The following PTPN2 variants were observed in gnomAD, a reference collection of about 807,000 sequenced individuals.
PTPN2 encodes protein tyrosine phosphatase non-receptor type 2, also known as tyrosine-protein phosphatase non-receptor type 2.
A neutral mutation model predicts 57.3 loss-of-function variants in PTPN2; 19 were observed. That is an observed-to-expected ratio of 0.33 (90% CI 0.23 to 0.49). The LOEUF (loss-of-function observed/expected upper bound fraction) is 0.49. Ranked by LOEUF, PTPN2 falls within the 20% of genes least tolerant of loss-of-function variation. PTPN2 has a pLI of 0.99. For missense variants in PTPN2, 358 were observed against 501.1 expected (o/e 0.71, Z 2.73); for synonymous variants, 153 against 164.9 (o/e 0.93, Z 0.55).
intron 1 of PTPN2, among the ~76,000 whole-genome samples, chr18:12,866,832 A>T (rs140072892): frequency 1.3e-5 from 2 of 152,002 alleles, no homozygotes; most frequent in East Asian, 3.9e-4. Flanking sequence ...GTGAAACTCC[A>T]TCTCTACTAA....
At chr18:12,835,212 A>G (rs201860849) in intron 3 of PTPN2, among the ~76,000 whole-genome samples, 3 of 152,174 alleles carry the variant, frequency 2.0e-5, no homozygotes, top group Non-Finnish European at 4.4e-5. Context: ...CATAAAAAAA[A>G]CTTCCAATAT....
At chr18:12,872,394 ATGATCAG>A (rs1261769054) in intron 1 of PTPN2, 18 of 152,250 alleles carry the variant, frequency 1.2e-4, no homozygotes, top group African/African-American at 4.3e-4. Context: ...AAGGTTATAA[ATGATCAG>A]TGACACGAAC....
chr18:12,817,166 C>T lies in PTPN2; in HGVS notation c.695G>A (p.Cys232Tyr). The T allele has an allele frequency of 6.2e-7, 1 of 1,613,372 alleles. No individual in the cohort carries two copies. The highest frequency in any genetic ancestry group is 8.5e-7 in the Non-Finnish European group (1 of 1,179,752). ...GTAAGAAGCACTTACCAAAACAAGA[C>T]AAGTGTCTACCAGAGAGAAGGTGCC... ...RSGTFSLVDT[C>Y]LVLMEKGDDI... Residue 232 changes from cysteine (C) to tyrosine (Y), a missense_variant, in exon 6 of 9, where the codon TGT becomes TAT. By Grantham distance (194) the Cys-to-Tyr change is radical (BLOSUM62 -2). Transcript: ENST00000309660.
At chr18:12,875,081 T>C (rs1171574863) in intron 1 of PTPN2, among the ~76,000 whole-genome samples, 2 of 152,166 alleles carry the variant, frequency 1.3e-5, no homozygotes, top group Non-Finnish European at 2.9e-5. Context: ...GTGCAAGATG[T>C]GCTTTGTTAA....
chr18:12,837,416 C>T (rs1448435790), intron 2 of PTPN2, among the ~76,000 whole-genome samples: 1 of 151,972 alleles, frequency 6.6e-6, no homozygotes, highest in African/African-American at 2.4e-5. Flanking sequence ...TGGAATATTC[C>T]AACTGTATTC....
chr18:12,848,037 T>C (rs867775639), intron 2 of PTPN2, among the ~76,000 whole-genome samples: 8 of 152,312 alleles, frequency 5.3e-5, no homozygotes, highest in Middle Eastern at 3.4e-3. Context: ...ACATCTGGTC[T>C]TTATTTTCAA....
At chr18:12,831,236 G>A (rs1018873082) in intron 3 of PTPN2, among the ~76,000 whole-genome samples, 195 bp from the exon 4 acceptor site, 7 of 152,174 alleles carry the variant, frequency 4.6e-5, no homozygotes, top group African/African-American at 1.7e-4. Context: ...GGTTGTAAAT[G>A]ATCAAAACTG....
chr18:12,841,375 G>C (rs957214354), intron 2 of PTPN2, among the ~76,000 whole-genome samples: 2 of 152,186 alleles, frequency 1.3e-5, no homozygotes, highest in African/African-American at 4.8e-5. Context: ...TTAAAGGACT[G>C]GTATAAACAC....
chr18:12,835,382 C>CTTTCTTTTTTTTTTTTTTT (rs2042821259), intron 3 of PTPN2, among the ~76,000 whole-genome samples: 1 of 99,030 alleles, frequency 1.0e-5, no homozygotes, highest in African/African-American at 4.2e-5. Context: ...TCACATATGT[C>CTTTCTTTTTTTTTTTTTTT]TTTTTTTTTT....
intron 2 of PTPN2, among the ~76,000 whole-genome samples, chr18:12,841,426 T>C (rs1334856271): frequency 1.3e-5 from 2 of 152,328 alleles, no homozygotes; most frequent in African/African-American, 4.8e-5. Flanking sequence ...GCATAGAAGA[T>C]GGACTGAACC....
intron 1 of PTPN2, among the ~76,000 whole-genome samples, chr18:12,873,833 AG>A (rs529176178): frequency 2.3e-4 from 35 of 151,658 alleles, no homozygotes; most frequent in Admixed American, 3.9e-4. Flanking sequence ...CATCCCATCT[AG>A]GAAGTGAGGA....
rs188495703 is a variant in PTPN2 at position 12,812,548 on chromosome 18, G to A, written c.858+1655C>T. Among the ~76,000 whole-genome samples, 184 of 152,218 alleles carry A rather than the reference G, an allele frequency of 1.2e-3. 3 individuals are homozygous for A. In the South Asian group the frequency reaches 0.021, roughly 17 times the overall value. Reference sequence around the variant, plus strand: ...TGGGAGGCAGAGGCTGCAGTGAACCGAGATTGTGCCATTGCACTCCAGTCT... The same window carrying A: ...TGGGAGGCAGAGGCTGCAGTGAACCAAGATTGTGCCATTGCACTCCAGTCT... On this transcript the variant is annotated intron_variant, in intron 7 of 8. Coordinates refer to ENST00000309660, the MANE Select transcript of PTPN2 (RefSeq NM_002828.4).
chr18:12,858,171 GGCA>G (rs2043659364), intron 2 of PTPN2, among the ~76,000 whole-genome samples: 1 of 152,120 alleles, frequency 6.6e-6, no homozygotes, highest in South Asian at 2.1e-4. Context: ...GATCTTAGCA[GGCA>G]GCACCATACC....
At chr18:12,823,848 A>T (rs528044358) in intron 5 of PTPN2, among the ~76,000 whole-genome samples, 3 of 152,326 alleles carry the variant, frequency 2.0e-5, no homozygotes, top group Non-Finnish European at 4.4e-5. Context: ...TACTGGTCAG[A>T]TGATATATAT....
chr18:12,791,945 G>C (rs1402186286), downstream of PTPN2, among the ~76,000 whole-genome samples: 1 of 152,192 alleles, frequency 6.6e-6, no homozygotes, highest in Non-Finnish European at 1.5e-5. Context: ...TATGTGACTT[G>C]CAGAGTAACA....
At chr18:12,872,479 C>T (rs1474580758) in intron 1 of PTPN2, among the ~76,000 whole-genome samples, 1 of 152,192 alleles carries the variant, frequency 6.6e-6, no homozygotes, top group Non-Finnish European at 1.5e-5. Flanking sequence ...TTATTCATTG[C>T]ATTCCCTTCC....
intron 8 of PTPN2, among the ~76,000 whole-genome samples, chr18:12,799,312 G>A (rs1028234467): frequency 1.3e-5 from 2 of 151,854 alleles, no homozygotes; most frequent in African/African-American, 2.4e-5. Flanking sequence ...AGCTACTTGG[G>A]AGGCTAAGGC....
chr18:12,850,265 C>T lies in PTPN2; in HGVS notation c.160+8899G>A, dbSNP rs554614150. 2.2e-4 allele frequency among the ~76,000 whole-genome samples: 33 copies of T among 152,154 alleles called. No individual in the cohort carries two copies. The South Asian group carries it at 6.4e-3, about 30-fold the overall frequency. The stretch of plus-strand genomic sequence containing the variant: ...TAGCACTTTGGAAGGCCGAGGCAGG[C>T]AGATCACTTAAGGTCAGGAGTTTGA... On this transcript the variant is annotated intron_variant, in intron 2 of 8. Transcript: ENST00000309660.
intron 1 of PTPN2, among the ~76,000 whole-genome samples, chr18:12,870,700 G>A (rs1483505483): frequency 4.0e-5 from 6 of 150,890 alleles, no homozygotes; most frequent in South Asian, 4.2e-4. Flanking sequence ...TAGTAGAGAC[G>A]GGGTTTCACC....
Sources: allele counts gnomAD v4.1 joint callset (sites outside exome capture counted in the v4.1 genomes callset), GRCh38; gene constraint gnomAD v4.1.1; transcripts MANE v1.5; gene names NCBI Gene and HGNC (gene_info 2026-07-23, HGNC 2026-07-21).